Variants in TTC6 observed in about 807,000 individuals in gnomAD.
The protein encoded by TTC6 is tetratricopeptide repeat protein 6.
In TTC6, 172 loss-of-function variants were observed where a neutral mutation model predicts 210.4. The observed-to-expected ratio is 0.82, with a 90% CI of 0.72 to 0.93. TTC6 has a LOEUF of 0.93. TTC6 is among the 40% of genes least tolerant of loss of function. The probability of loss-of-function intolerance (pLI) is 0.00; values close to 1 mark genes in which losing one functional copy is unlikely to be tolerated. For synonymous variants in TTC6, 804 were observed against 819.6 expected, an observed-to-expected ratio of 0.98 and a Z score of 0.32; for missense variants, 2,414 against 2,318.1, an observed-to-expected ratio of 1.04 and a Z score of -0.85.
chr14:37,670,136 C>A (rs113552660), intron 1 of TTC6, among the ~76,000 whole-genome samples: 118 of 152,210 alleles, frequency 7.8e-4, no homozygotes, highest in South Asian at 2.7e-3. Context: ...ATACAGATTT[C>A]TGTTTGTTAG....
chr14:37,734,504 T>C (rs1169871967), intron 7 of TTC6, among the ~76,000 whole-genome samples: 2 of 152,194 alleles, frequency 1.3e-5, no homozygotes, highest in East Asian at 1.9e-4. Context: ...TCTTTTCATC[T>C]TGTTAGCTCT....
intron 1 of TTC6, among the ~76,000 whole-genome samples, chr14:37,638,970 C>G (rs949789147): frequency 2.6e-5 from 4 of 152,188 alleles, no homozygotes; most frequent in African/African-American, 9.7e-5. Context: ...CTACACTTCT[C>G]AATTTCTTAG....
intron 1 of TTC6, among the ~76,000 whole-genome samples, chr14:37,660,071 A>G (rs540878248): frequency 7.0e-4 from 107 of 152,146 alleles, no homozygotes; most frequent in Non-Finnish European, 1.9e-4. Flanking sequence ...CTCTGTTTAT[A>G]ATTTCCTTTG....
At chr14:37,820,069 AT>A (rs1001774308) in intron 26 of TTC6, among the ~76,000 whole-genome samples, 1 of 152,204 alleles carries the variant, frequency 6.6e-6, no homozygotes, top group African/African-American at 2.4e-5. Context: ...ATTCTGCCAC[AT>A]TTTCCCATTG....
At chr14:37,817,693 C>G in intron 26 of TTC6, 42 bp downstream of exon 28, 1 of 1,571,132 alleles carries the variant, frequency 6.4e-7, no homozygotes, top group Non-Finnish European at 8.7e-7. Context: ...CAAGCAGGAC[C>G]ATCAGACTTA....
chr14:37,757,467 G>A (rs1471084627), intron 14 of TTC6, among the ~76,000 whole-genome samples: 1 of 151,830 alleles, frequency 6.6e-6, no homozygotes, highest in Admixed American at 6.6e-5. Context: ...TAGAGATGGG[G>A]TTTCACCGTG....
intron 14 of TTC6, among the ~76,000 whole-genome samples, chr14:37,772,980 T>C (rs889534106): frequency 5.3e-5 from 8 of 152,224 alleles, no homozygotes; most frequent in Non-Finnish European, 1.5e-5. Flanking sequence ...GTGGTTTTGA[T>C]TTGCATTTCT....
At chr14:37,715,913 A>C (rs1445541313) in intron 6 of TTC6, among the ~76,000 whole-genome samples, 1 of 152,192 alleles carries the variant, frequency 6.6e-6, no homozygotes, top group African/African-American at 2.4e-5. Context: ...AACAAAGCAC[A>C]TGTAAAGCAA....
At chr14:37,661,365 T>C (rs988710555) in intron 1 of TTC6, among the ~76,000 whole-genome samples, 7 of 151,950 alleles carry the variant, frequency 4.6e-5, no homozygotes, top group Middle Eastern at 6.8e-3. Context: ...GAGGAAGGGG[T>C]CCAGTTTCAA....
At chr14:37,642,899 G>A (rs1287438508) in intron 1 of TTC6, among the ~76,000 whole-genome samples, 1 of 152,182 alleles carries the variant, frequency 6.6e-6, no homozygotes, top group Non-Finnish European at 1.5e-5. Flanking sequence ...TCTAAACTAT[G>A]TAAACATAGA....
chr14:37,768,701 G>A (rs531572712), intron 14 of TTC6, among the ~76,000 whole-genome samples: 158 of 152,022 alleles, frequency 1.0e-3, no homozygotes, highest in African/African-American at 3.6e-3. Context: ...GAGATTTTGG[G>A]CTGAGACAAT....
chr14:37,831,744 T>C (rs1420018804), intron 29 of TTC6, among the ~76,000 whole-genome samples: 1 of 79,446 alleles, frequency 1.3e-5, no homozygotes, highest in African/African-American at 4.5e-5. Context: ...CCGTCTGTTA[T>C]GTCTTTTCAG....
chr14:37,788,003 C>A (rs2096071906), intron 15 of TTC6, among the ~76,000 whole-genome samples: 1 of 151,818 alleles, frequency 6.6e-6, no homozygotes, highest in Non-Finnish European at 1.5e-5. Flanking sequence ...TTTCTGCAAA[C>A]CCAGTCCTGT....
chr14:37,616,109 C>A (rs1306705494), intron 2 of TTC6, among the ~76,000 whole-genome samples: 1 of 152,190 alleles, frequency 6.6e-6, no homozygotes, highest in Non-Finnish European at 1.5e-5. Context: ...CAGTTCAGCT[C>A]TTTAAGCCTT....
chr14:37,797,524 GAT>G (rs2096095463), intron 20 of TTC6, among the ~76,000 whole-genome samples: 1 of 151,368 alleles, frequency 6.6e-6, no homozygotes, highest in Non-Finnish European at 1.5e-5. Context: ...AGGCATTTAA[GAT>G]ATAAATTCTG....
At chr14:37,617,911 T>A (rs144659111), upstream of TTC6, among the ~76,000 whole-genome samples, 292 of 152,312 alleles carry the variant, frequency 1.9e-3, 1 homozygote, top group Non-Finnish European at 2.9e-3. Flanking sequence ...TAAAAGGTTA[T>A]CCTTCTCAGT....
intron 1 of TTC6, among the ~76,000 whole-genome samples, chr14:37,658,779 T>G (rs559571734): frequency 6.6e-6 from 1 of 152,290 alleles, no homozygotes; most frequent in African/African-American, 2.4e-5. Context: ...TTTAAAAATT[T>G]TTTTATTTTA....
At chr14:37,692,234 A>AAAAAAAG (rs2095805227) in intron 3 of TTC6, among the ~76,000 whole-genome samples, 1 of 144,382 alleles carries the variant, frequency 6.9e-6, no homozygotes, top group Non-Finnish European at 1.5e-5. Flanking sequence ...AAAAAAAAAG[A>AAAAAAAG]AAAAAAGAAA....
intron 3 of TTC6, among the ~76,000 whole-genome samples, chr14:37,690,840 A>G (rs1566890532): frequency 6.6e-6 from 1 of 152,184 alleles, no homozygotes; most frequent in African/African-American, 2.4e-5. Context: ...ACAAAGAAAC[A>G]TCAGACTTAA....
Sources: gnomAD v4.1 joint callset for allele counts (sites outside exome capture counted in the v4.1 genomes callset) on GRCh38, gnomAD v4.1.1 for gene constraint, MANE v1.5 for transcripts, NCBI Gene and HGNC (gene_info 2026-07-23, HGNC 2026-07-21) for gene names.